Variants in GK5 observed in about 807,000 individuals in gnomAD.
GK5 encodes the protein ATP:glycerol 3-phosphotransferase 5.
A neutral mutation model predicts 77.3 loss-of-function variants in GK5; 39 were observed. The observed-to-expected ratio is 0.50, with a 90% CI of 0.39 to 0.66. The LOEUF (loss-of-function observed/expected upper bound fraction) is 0.66, where lower values mean the gene tolerates loss of function less well. Ranked by LOEUF, GK5 falls within the 30% of genes least tolerant of loss-of-function variation. The pLI is 0.00. For synonymous variants in GK5, 211 were observed against 208.0 expected (o/e 1.01, Z -0.13); for missense variants, 487 against 633.8 (o/e 0.77, Z 2.49).
chr3:142,173,911 C>T lies in GK5; in HGVS notation c.1144-1455G>A, dbSNP rs116889969. ...TGACACATCATCCCTTTACCTGAAA[C>T]ACCTTCTACCACCCTTTCTCCTAAT... On this transcript the variant is annotated intron_variant, in intron 12 of 15. Coordinates refer to ENST00000392993, the MANE Select transcript of GK5 (RefSeq NM_001039547.3). 1.0e-3 allele frequency among the ~76,000 whole-genome samples: 158 copies of T among 152,232 alleles called. 2 individuals carry two copies. The East Asian group carries it at 0.026, about 25-fold the overall frequency.
chr3:142,198,910 C>T lies in GK5; in HGVS notation c.435G>A (p.Val145=), dbSNP rs1459559052. The T allele has an allele frequency of 2.7e-5, 44 of 1,612,190 alleles. No individual in the cohort carries two copies. Residue 145 remains valine, a synonymous_variant, in exon 5 of 16, where the codon GTG becomes GTA. Transcript: ENST00000392993. ...GTTTACTTCTAGTGAAAAAGTGAAG[C>T]ACTCGGCAAGAACTGTGAAATATCT... ...LMKIFHSSCR[V]LHFFTRSKRL...
chr3:142,165,500 G>A lies in GK5; in HGVS notation c.*122C>T. 1.5e-6 allele frequency: 1 copy of A among 668,392 alleles called. No homozygotes were observed. Among genetic ancestry groups the A allele is most frequent in the Non-Finnish European group, 2.4e-6 (1 of 425,026 alleles). The allele number at this position is 668,392 out of a possible 1,614,324, so 41.4% of individuals were successfully genotyped here. A position where few individuals can be genotyped will look rare whatever the true frequency, so the allele number is the denominator to read the frequency against. Reference sequence around the variant, plus strand: ...TTTTTTTAAAAGCAATGCTTCTTAAGTTATGAAGCTTATTTAAAATTTTCT... The same window carrying A: ...TTTTTTTAAAAGCAATGCTTCTTAAATTATGAAGCTTATTTAAAATTTTCT... On this transcript the variant is annotated 3_prime_UTR_variant, in exon 16 of 16. Coordinates refer to ENST00000392993, the MANE Select transcript of GK5 (RefSeq NM_001039547.3).
rs1249600332 is a variant in GK5, at chr3:142,161,793, GA to G, written c.*3828del. On this transcript the variant is annotated 3_prime_UTR_variant, in exon 16 of 16. Transcript: ENST00000392993. ...GAAGACAATTACAGCATGAGATATT[GA>G]TTGATTGATTGATTGATTGATTGAG... The G allele has an allele frequency of 2.0e-5, 3 of 151,890 alleles. No homozygotes were observed. The highest frequency in any genetic ancestry group is 4.4e-5 in the Non-Finnish European group (3 of 67,996). 9.4% of individuals were successfully genotyped at this position (151,890 alleles called of 1,614,324 possible).
Position 142,202,994 on chromosome 3 carries a change from T to C in GK5, c.411+1701A>G, listed in dbSNP as rs114595868. 5.4e-3 allele frequency among the ~76,000 whole-genome samples: 817 copies of C among 152,284 alleles called. 6 individuals carry two copies. Among genetic ancestry groups the C allele is most frequent in the Non-Finnish European group, 9.3e-3 (633 of 68,014 alleles). Reference sequence around the variant, plus strand: ...AATGTTTTCAAATCACAATTTTTCTTTTCAAATCACAATTTTTTTCAAAGC... The same window carrying C: ...AATGTTTTCAAATCACAATTTTTCTCTTCAAATCACAATTTTTTTCAAAGC... On this transcript the variant is annotated intron_variant, in intron 4 of 15. Coordinates refer to ENST00000392993, the MANE Select transcript of GK5 (RefSeq NM_001039547.3).
Position 142,217,720 on chromosome 3 carries a change from T to C in GK5, c.148-2028A>G, listed in dbSNP as rs185866556. Among the ~76,000 whole-genome samples the C allele has an allele frequency of 1.6e-3, 237 of 152,240 alleles. 1 individual carries two copies. Among genetic ancestry groups the C allele is most frequent in the African/African-American group, 5.5e-3 (229 of 41,554 alleles). On this transcript the variant is annotated intron_variant, in intron 1 of 15. Transcript: ENST00000392993. The stretch of plus-strand genomic sequence containing the variant: ...GCATTACACACCCAGATATCATAAT[T>C]AAAATGCTGAAAACTAAAAGCAAAA...
chr3:142,207,931 G>A (rs6440068), intron 3 of GK5, among the ~76,000 whole-genome samples: 2 of 151,942 alleles, frequency 1.3e-5, no homozygotes, highest in Admixed American at 6.6e-5. Flanking sequence ...ACTTCTTTTC[G>A]CTTTAGAGAT....
Position 142,172,562 on chromosome 3 carries a change from T to G in GK5, c.1144-106A>C. ...ACATAGCCACGTTAGAAGAAAATAA[T>G]GCTATGGTTAAATAATTTTAAAATA... On this transcript the variant is annotated intron_variant, in intron 12 of 15. Transcript: ENST00000392993. 5 of 515,404 alleles carry G rather than the reference T, an allele frequency of 9.7e-6. 1 individual carries two copies. The highest frequency in any genetic ancestry group is 1.7e-5 in the Non-Finnish European group (5 of 287,932). 31.9% of individuals were successfully genotyped at this position (515,404 alleles called of 1,614,324 possible).
intron 9 of GK5, chr3:142,185,254 A>G (rs920390183): frequency 2.5e-6 from 1 of 407,630 alleles, no homozygotes; most frequent in Admixed American, 6.4e-5. Flanking sequence ...TCTACCAAAA[A>G]TACAAAAAAT....
intron 1 of GK5, 143 bp from the exon 2 acceptor site, chr3:142,215,835 C>T (rs2064269463): frequency 1.8e-6 from 1 of 548,560 alleles, no homozygotes; most frequent in Non-Finnish European, 3.2e-6. Context: ...GAAAAAGACA[C>T]ATTTATGAGA....
At position 142,157,593 on chromosome 3, in the gene GK5, T is replaced by C. The variant is rs1246809462; in HGVS notation, c.*8029A>G. The C allele has an allele frequency of 6.6e-6, 1 of 152,242 alleles. No individual in the cohort carries two copies. The highest frequency in any genetic ancestry group is 2.4e-5 in the African/African-American group (1 of 41,466). The allele number at this position is 152,242 out of a possible 1,614,324, so 9.4% of individuals were successfully genotyped here. On this transcript the variant is annotated 3_prime_UTR_variant, in exon 16 of 16. Transcript: ENST00000392993. ...TTCAGTTCCATTGTAATTTCCCAAA[T>C]AATTTTAGATTATAATTTTCAGAAA...
chr3:142,209,869 CTA>C (rs765639180), intron 3 of GK5, among the ~76,000 whole-genome samples: 4 of 152,084 alleles, frequency 2.6e-5, no homozygotes, highest in Non-Finnish European at 4.4e-5. Flanking sequence ...GTTTGTGTTG[CTA>C]ATTGGCACAC....
chr3:142,206,806 T>C (rs2064114295), intron 3 of GK5, among the ~76,000 whole-genome samples: 1 of 152,214 alleles, frequency 6.6e-6, no homozygotes, highest in Admixed American at 6.5e-5. Flanking sequence ...TCCACTATCG[T>C]TAATTTTGTT....
chr3:142,213,398 T>A (rs2064223651), intron 3 of GK5, 128 bp downstream of exon 3: 3 of 657,120 alleles, frequency 4.6e-6, no homozygotes, highest in Non-Finnish European at 8.3e-6. Flanking sequence ...CAGGCACATT[T>A]CATCCCTCTT....
chr3:142,199,184 A>G (rs2063981146), intron 4 of GK5, among the ~76,000 whole-genome samples: 1 of 152,098 alleles, frequency 6.6e-6, no homozygotes, highest in Admixed American at 6.6e-5. Context: ...ACTTATTATA[A>G]ACTTTTTTAA....
At chr3:142,177,433 A>G in intron 12 of GK5, 49 bp downstream of exon 12, 1 of 1,030,912 alleles carries the variant, frequency 9.7e-7, no homozygotes, top group South Asian at 1.4e-5. Flanking sequence ...TGGATGTGGC[A>G]GGAGGAGAAA....
chr3:142,182,686 T>C (rs998775810), intron 10 of GK5, among the ~76,000 whole-genome samples: 1 of 152,154 alleles, frequency 6.6e-6, no homozygotes, highest in East Asian at 1.9e-4. Flanking sequence ...ACATGTGTTA[T>C]AGAAAAATAC....
At chr3:142,213,482 G>T in intron 3 of GK5, 44 bp downstream of exon 3, 1 of 1,082,454 alleles carries the variant, frequency 9.2e-7, no homozygotes, top group Non-Finnish European at 1.4e-6. Flanking sequence ...TACTCACTGT[G>T]GCATGAACCC....
Position 142,171,491 on chromosome 3 carries a change from C to T in GK5, c.1248-13G>A, listed in dbSNP as rs2063539545. On this transcript the variant is annotated splice_polypyrimidine_tract_variant and intron_variant, in intron 13 of 15. Coordinates refer to ENST00000392993, the MANE Select transcript of GK5 (RefSeq NM_001039547.3). The stretch of plus-strand genomic sequence containing the variant: ...TAACTGTTTGTTTCTAGTTAAAAAA[C>T]AAGATAACTATTTATAAGAAATTCA... 2.2e-6 allele frequency: 3 copies of T among 1,395,240 alleles called. No individual in the cohort carries two copies. Among genetic ancestry groups the T allele is most frequent in the African/African-American group, 2.9e-5 (2 of 68,570 alleles). 86.4% of individuals were successfully genotyped at this position (1,395,240 alleles called of 1,614,324 possible).
intron 7 of GK5, 89 bp downstream of exon 7, chr3:142,186,363 C>A: frequency 1.0e-6 from 1 of 986,348 alleles, no homozygotes; most frequent in Admixed American, 2.5e-5. Flanking sequence ...ATATATTTGT[C>A]AATTAAAAAT....
Sources: gnomAD v4.1 joint callset for allele counts (sites outside exome capture counted in the v4.1 genomes callset) on GRCh38, gnomAD v4.1.1 for gene constraint, MANE v1.5 for transcripts, NCBI Gene and HGNC (gene_info 2026-07-23, HGNC 2026-07-21) for gene names.